The following UTRN variants were observed in gnomAD, a reference collection of about 807,000 sequenced individuals.
UTRN encodes the protein utrophin.
UTRN carries 283 observed loss-of-function variants against 463.9 expected under a neutral mutation model. The observed-to-expected ratio is 0.61, with a 90% confidence interval of 0.55 to 0.67. UTRN has a LOEUF of 0.67. Ranked by LOEUF, UTRN falls within the 30% of genes least tolerant of loss-of-function variation. The pLI, the probability that UTRN is intolerant of heterozygous loss-of-function variation, is 0.00. For missense variants in UTRN, 3,922 were observed against 4,084.3 expected, an observed-to-expected ratio of 0.96 and a Z score of 1.08; for synonymous variants, 1,442 against 1,431.5, an observed-to-expected ratio of 1.01 and a Z score of -0.17.
At chr6:144,313,852 G>A (rs973833275) in intron 2 of UTRN, among the ~76,000 whole-genome samples, 1 of 152,148 alleles carries the variant, frequency 6.6e-6, no homozygotes, top group African/African-American at 2.4e-5. Context: ...GCTTGTCTAG[G>A]TCTACAGGTG....
chr6:144,417,093 C>T (rs1181617973), intron 3 of UTRN, among the ~76,000 whole-genome samples: 1 of 152,094 alleles, frequency 6.6e-6, no homozygotes, highest in Non-Finnish European at 1.5e-5. Flanking sequence ...TACCAAAGCA[C>T]CAGACACGCT....
chr6:144,442,973 G>A (rs185967710), intron 13 of UTRN, among the ~76,000 whole-genome samples: 11 of 152,310 alleles, frequency 7.2e-5, no homozygotes, highest in Non-Finnish European at 1.2e-4. Flanking sequence ...CATGTGCATA[G>A]TAAAGTTTGA....
chr6:144,668,152 CAAATCCCATCAG>C (rs1262713998), intron 51 of UTRN, among the ~76,000 whole-genome samples: 1 of 152,156 alleles, frequency 6.6e-6, no homozygotes, highest in Non-Finnish European at 1.5e-5. Flanking sequence ...TTAGACATCT[CAAATCCCATCAG>C]AAATAATACT....
chr6:144,657,020 G>A (rs894919462), intron 51 of UTRN, among the ~76,000 whole-genome samples: 15 of 152,150 alleles, frequency 9.9e-5, no homozygotes, highest in Non-Finnish European at 1.9e-4. Flanking sequence ...GAAGGCCGAG[G>A]CAGGTGGATC....
intron 65 of UTRN, among the ~76,000 whole-genome samples, chr6:144,818,807 G>A (rs922263956): frequency 2.0e-5 from 3 of 151,866 alleles, no homozygotes; most frequent in African/African-American, 4.8e-5. Context: ...GTTTATAGTA[G>A]ATGATATATC....
At chr6:144,298,115 T>G (rs554321521) in intron 2 of UTRN, among the ~76,000 whole-genome samples, 426 of 152,244 alleles carry the variant, frequency 2.8e-3, no homozygotes, top group Middle Eastern at 6.8e-3. Flanking sequence ...TGGCTGGATT[T>G]TTTTTTCTCC....
intron 2 of UTRN, among the ~76,000 whole-genome samples, chr6:144,366,627 A>G (rs1451353192): frequency 6.6e-6 from 1 of 152,132 alleles, no homozygotes; most frequent in Non-Finnish European, 1.5e-5. Flanking sequence ...TATGTAACAC[A>G]TTTTCTTTAT....
Position 144,751,832 on chromosome 6 carries a change from C to A in UTRN, c.8235C>A (p.Ile2745=). 1 of 1,608,228 alleles carries A rather than the reference C, an allele frequency of 6.2e-7. No homozygotes were observed. Among genetic ancestry groups the A allele is most frequent in the Non-Finnish European group, 8.5e-7 (1 of 1,177,692 alleles). ...IMAFREEIAP[I]NFKVKTVNDL... Reference sequence around the variant, plus strand: ...CATTTAGAGAAGAAATTGCACCAATCAACTTTAAAGTTAAAACGGTGAATG... The same window carrying A: ...CATTTAGAGAAGAAATTGCACCAATAAACTTTAAAGTTAAAACGGTGAATG... Residue 2745 remains isoleucine, a synonymous_variant, in exon 56 of 75, where the codon ATC becomes ATA. Transcript: ENST00000367545.
In UTRN at chr6:144,574,631, G is replaced by T. The variant is rs573614719; in HGVS notation, c.7290-2468G>T. On this transcript the variant is annotated intron_variant, in intron 50 of 74. Transcript: ENST00000367545. ...AGTTTCACTCTGTCACCCAGACTGG[G>T]GTGCAGTGGCACAATCTTGGCTCAC... Among the ~76,000 whole-genome samples, 344 of 151,958 alleles carry T rather than the reference G, an allele frequency of 2.3e-3. 1 individual carries two copies. The highest frequency in any genetic ancestry group is 4.3e-3 in the Non-Finnish European group (291 of 67,900).
intron 41 of UTRN, among the ~76,000 whole-genome samples, chr6:144,526,973 A>G (rs1796626053): frequency 6.6e-6 from 1 of 151,076 alleles, no homozygotes; most frequent in Admixed American, 6.6e-5. Context: ...TTTTTTTTGT[A>G]TTTTTTAGTA....
chr6:144,316,499 A>G (rs1295121399), intron 2 of UTRN, among the ~76,000 whole-genome samples: 1 of 152,246 alleles, frequency 6.6e-6, no homozygotes, highest in Non-Finnish European at 1.5e-5. Flanking sequence ...CCAATAATGT[A>G]TGGGTTCAGG....
chr6:144,651,219 TG>T (rs1053128382), intron 51 of UTRN, among the ~76,000 whole-genome samples: 4 of 152,088 alleles, frequency 2.6e-5, no homozygotes, highest in African/African-American at 9.7e-5. Context: ...CCCTCACCTC[TG>T]AAAAAGTCAA....
intron 1 of UTRN, among the ~76,000 whole-genome samples, chr6:144,288,956 G>A (rs1293125023): frequency 1.3e-5 from 2 of 152,008 alleles, no homozygotes; most frequent in African/African-American, 4.8e-5. Flanking sequence ...TAGAGACAGG[G>A]TTTCGCCATG....
intron 45 of UTRN, 115 bp downstream of exon 45, chr6:144,539,558 A>C (rs1797816935): frequency 6.8e-6 from 7 of 1,026,774 alleles, no homozygotes; most frequent in Non-Finnish European, 9.5e-6. Flanking sequence ...AAATTTTACT[A>C]AAGCTTACTA....
rs1169449786 is a variant in UTRN, at chr6:144,851,799, C to T, written c.*802C>T. On this transcript the variant is annotated 3_prime_UTR_variant, in exon 75 of 75. Coordinates refer to ENST00000367545, the MANE Select transcript of UTRN (RefSeq NM_007124.3). ...TAGGAATTAATTATTTATTTTATGTCTTAATCTATTTGATAAAGAAGACTA... is the reference window on the plus strand; with the variant it reads ...TAGGAATTAATTATTTATTTTATGTTTTAATCTATTTGATAAAGAAGACTA... The T allele has an allele frequency of 6.6e-6, 1 of 152,004 alleles. No homozygotes were observed. The highest frequency in any genetic ancestry group is 1.9e-4 in the East Asian group (1 of 5,180). 9.4% of individuals were successfully genotyped at this position (152,004 alleles called of 1,614,324 possible).
chr6:144,464,159 A>G (rs953714866), intron 23 of UTRN, among the ~76,000 whole-genome samples: 2 of 152,134 alleles, frequency 1.3e-5, no homozygotes, highest in African/African-American at 4.8e-5. Flanking sequence ...AAATTAATGA[A>G]AATGTATGTT....
rs60255661 is a variant in UTRN, at chr6:144,598,730, G to A, written c.7479+21442G>A. 4.0e-3 allele frequency among the ~76,000 whole-genome samples: 615 copies of A among 152,260 alleles called. 4 individuals are homozygous for A. Among genetic ancestry groups the A allele is most frequent in the African/African-American group, 0.014 (576 of 41,538 alleles). On this transcript the variant is annotated intron_variant, in intron 51 of 74. Coordinates refer to ENST00000367545, the MANE Select transcript of UTRN (RefSeq NM_007124.3). ...AGAGAGTCTGTTTTGTCAATCATAAGGTCGCTGTATTAATGTTAATGCTAG... is the reference window on the plus strand; with the variant it reads ...AGAGAGTCTGTTTTGTCAATCATAAAGTCGCTGTATTAATGTTAATGCTAG...
chr6:144,717,632 T>C (rs979051068), intron 53 of UTRN, among the ~76,000 whole-genome samples: 3 of 98,882 alleles, frequency 3.0e-5, no homozygotes, highest in Admixed American at 1.1e-4. Context: ...CTTTTCTTTT[T>C]TCTTTTTTTT....
At position 144,421,797 on chromosome 6, in the gene UTRN, C is replaced by T. The variant is rs536284910; in HGVS notation, c.142-81C>T. ...CATTTTAATTGAGCAAAAAATGAAG[C>T]CACTCATTTATTTGCCCAGGTATAT... On this transcript the variant is annotated intron_variant, in intron 3 of 74. Coordinates refer to ENST00000367545, the MANE Select transcript of UTRN (RefSeq NM_007124.3). The T allele has an allele frequency of 8.2e-6, 8 of 977,896 alleles. No homozygotes were observed. The African/African-American group carries it at 1.3e-4, about 16-fold the overall frequency. The allele number at this position is 977,896 out of a possible 1,614,324, so 60.6% of individuals were successfully genotyped here.
Sources: gnomAD v4.1 joint callset for allele counts (sites outside exome capture counted in the v4.1 genomes callset) on GRCh38, gnomAD v4.1.1 for gene constraint, MANE v1.5 for transcripts, NCBI Gene and HGNC (gene_info 2026-07-23, HGNC 2026-07-21) for gene names.